Variants in SYNE1 observed in about 807,000 individuals in gnomAD.
The protein encoded by SYNE1 is spectrin repeat containing nuclear envelope protein 1, also known as nesprin-1.
In SYNE1, 616 loss-of-function variants were observed where a neutral mutation model predicts 1,111.0. The ratio of observed to expected loss-of-function variants is 0.55; its 90% CI spans 0.52 to 0.59. The LOEUF (loss-of-function observed/expected upper bound fraction) is 0.59, where lower values mean the gene tolerates loss of function less well. SYNE1 is among the 20% of genes least tolerant of loss of function. The pLI is 0.00. For missense variants in SYNE1, 10,006 were observed against 10,417.0 expected, an observed-to-expected ratio of 0.96 and a Z score of 1.72; for synonymous variants, 3,855 against 3,825.8, an observed-to-expected ratio of 1.01 and a Z score of -0.28.
rs777931582 is a variant in SYNE1, at chr6:152,390,320, C to T, written c.8137G>A (p.Val2713Met). 9 of 1,614,022 alleles carry T rather than the reference C, an allele frequency of 5.6e-6. No individual in the cohort carries two copies. The highest frequency in any genetic ancestry group is 6.8e-6 in the Non-Finnish European group (8 of 1,180,016). The change falls in exon 53 of 146, where the codon GTG (valine) becomes ATG (methionine). Residue 2713 changes from valine to methionine, a missense_variant. This residue lies in a region of SYNE1 where 4,955 missense variants were observed against 5,017.2 expected (regional missense o/e 0.99). Transcript: ENST00000367255. ...IQTQLETLKE[V>M]WADIMSSSVH... is the part of the protein sequence containing the mutation. ...GAGGAGCTCATGATGTCAGCCCACA[C>T]TTCTTTAAGGGTCTCTAACTGAGTC...
At chr6:152,462,637 C>T (rs912551444) in intron 20 of SYNE1, 101 bp downstream of exon 20, 3 of 1,413,030 alleles carry the variant, frequency 2.1e-6, no homozygotes, top group Non-Finnish European at 3.0e-6. Context: ...AAATGATGCC[C>T]AGGAGACACA....
intron 56 of SYNE1, among the ~76,000 whole-genome samples, chr6:152,377,608 TAAAAAAAAAAAA>T (rs869031827): frequency 2.2e-4 from 7 of 31,364 alleles, no homozygotes; most frequent in African/African-American, 4.9e-4. Context: ...AACTCCGTCT[TAAAAAAAAAAAA>T]AAAAAAAAAA....
At chr6:152,436,230 T>C (rs994172179) in intron 32 of SYNE1, 129 bp from the exon 33 acceptor site, 5 of 932,466 alleles carry the variant, frequency 5.4e-6, no homozygotes, top group Non-Finnish European at 6.3e-6. Flanking sequence ...GTATGGATCT[T>C]ACATTGTTCT....
chr6:152,167,891 C>A, intron 130 of SYNE1: 1 of 742,124 alleles, frequency 1.3e-6, no homozygotes, highest in Non-Finnish European at 2.5e-6. Context: ...TAATAAAGTC[C>A]ATTAACCTTT....
chr6:152,569,493 T>C (rs146167680), intron 3 of SYNE1, among the ~76,000 whole-genome samples: 1 of 152,198 alleles, frequency 6.6e-6, no homozygotes, highest in Non-Finnish European at 1.5e-5. Flanking sequence ...TAGATTTTTT[T>C]AAGTAAGTTT....
intron 3 of SYNE1, among the ~76,000 whole-genome samples, chr6:152,623,948 G>T (rs2099680923): frequency 6.6e-6 from 1 of 151,874 alleles, no homozygotes; most frequent in African/African-American, 2.4e-5. Flanking sequence ...TTTCTTTTGT[G>T]TAATGAACTT....
chr6:152,508,219 T>C (rs1267734266), intron 8 of SYNE1, among the ~76,000 whole-genome samples: 1 of 152,230 alleles, frequency 6.6e-6, no homozygotes. Flanking sequence ...ATGTGTTCAT[T>C]ACAGAATTTT....
rs182082959 is a variant in SYNE1 at position 152,205,014 on chromosome 6, T to C, written c.23019+1154A>G. ...TATTACATTACTGATGAAACTGTGC[T>C]GTGTGCAAATAATAGTTTTTTATAG... is the stretch of plus-strand genomic sequence containing the variant. On this transcript the variant is annotated intron_variant, in intron 126 of 145. Transcript: ENST00000367255. Among the ~76,000 whole-genome samples, 624 of 152,310 alleles carry C rather than the reference T, an allele frequency of 4.1e-3. 4 individuals carry two copies. Among genetic ancestry groups the C allele is most frequent in the African/African-American group, 0.015 (604 of 41,572 alleles).
intron 3 of SYNE1, among the ~76,000 whole-genome samples, chr6:152,621,132 A>G (rs2099674429): frequency 6.6e-6 from 1 of 152,172 alleles, no homozygotes; most frequent in Non-Finnish European, 1.5e-5. Context: ...CCAGAAGGAG[A>G]TGAAAGAGTC....
Position 152,211,548 on chromosome 6 carries a change from T to C in SYNE1, c.22535A>G (p.His7512Arg), listed in dbSNP as rs770938753. 4.3e-6 allele frequency: 7 copies of C among 1,613,986 alleles called. 1 individual carries two copies. In the South Asian group the frequency reaches 7.7e-5, roughly 18 times the overall value. Residue 7512 changes from histidine (H) to arginine (R), a missense_variant, in exon 124 of 146, where the codon CAC becomes CGC. This residue lies in a region of SYNE1 where 2,182 missense variants were observed against 2,287.8 expected (regional missense o/e 0.95). Transcript: ENST00000367255. ...AEMFSRQQIL[H>R]SIIIDGQRLL... ...ACGTTGCCCATCAATAATGATTGAGTGCAAAATCTGCTGACGACTGAACAT... is the reference window on the plus strand; with the variant it reads ...ACGTTGCCCATCAATAATGATTGAGCGCAAAATCTGCTGACGACTGAACAT...
intron 3 of SYNE1, among the ~76,000 whole-genome samples, chr6:152,615,570 G>A (rs2099643706): frequency 6.6e-6 from 1 of 151,992 alleles, no homozygotes; most frequent in Non-Finnish European, 1.5e-5. Flanking sequence ...ACACAGTTGA[G>A]ACATATTTCA....
chr6:152,435,221 T>C (rs1473539215), intron 33 of SYNE1: 1 of 152,180 alleles, frequency 6.6e-6, no homozygotes, highest in Non-Finnish European at 1.5e-5. Context: ...AATAATAATA[T>C]GCTATTATGT....
chr6:152,551,890 C>T (rs960257418), intron 3 of SYNE1, among the ~76,000 whole-genome samples: 1 of 152,210 alleles, frequency 6.6e-6, no homozygotes, highest in African/African-American at 2.4e-5. Flanking sequence ...GACAAACTTG[C>T]CACATGTAGC....
intron 10 of SYNE1, among the ~76,000 whole-genome samples, chr6:152,499,076 T>G (rs1025504092): frequency 3.9e-5 from 6 of 152,106 alleles, no homozygotes; most frequent in Non-Finnish European, 1.5e-5. Context: ...ATTAAATATT[T>G]TAGAAGGTAA....
chr6:152,512,386 AT>A (rs1170058286), intron 6 of SYNE1, among the ~76,000 whole-genome samples: 1 of 152,144 alleles, frequency 6.6e-6, no homozygotes, highest in East Asian at 1.9e-4. Flanking sequence ...AAGAACATCA[AT>A]TTTTTTAACT....
intron 132 of SYNE1, 74 bp downstream of exon 132, chr6:152,155,836 G>C: frequency 6.4e-7 from 1 of 1,565,594 alleles, no homozygotes; most frequent in Non-Finnish European, 8.8e-7. Flanking sequence ...AGAGTGAACA[G>C]TGGATACTCT....
rs769074635 is a variant in SYNE1, at chr6:152,398,748, T to A, written c.7238-17A>T. The A allele has an allele frequency of 1.7e-5, 27 of 1,585,862 alleles. No homozygotes were observed. The highest frequency in any genetic ancestry group is 2.3e-5 in the Non-Finnish European group (27 of 1,159,096). On this transcript the variant is annotated splice_polypyrimidine_tract_variant and intron_variant, in intron 48 of 145. Transcript: ENST00000367255. Reference sequence around the variant, plus strand: ...GCATAGACTCTTTTGAAAGAAAAAATAAATAAATAAAAATAAAAAATCAGA... The same window carrying A: ...GCATAGACTCTTTTGAAAGAAAAAAAAAATAAATAAAAATAAAAAATCAGA...
In SYNE1 at chr6:152,132,141, G is replaced by T. The variant is rs1380516025; in HGVS notation, c.26075C>A (p.Thr8692Asn). The T allele has an allele frequency of 6.2e-7, 1 of 1,614,008 alleles. No homozygotes were observed. Among genetic ancestry groups the T allele is most frequent in the Non-Finnish European group, 8.5e-7 (1 of 1,180,002 alleles). The change falls in exon 144 of 146, where the codon ACC becomes AAC. Residue 8692 changes from threonine (T) to asparagine (N), a missense_variant. By Grantham distance (65) the Thr-to-Asn change is moderately conservative. Transcript: ENST00000367255. ...GSVSPTSGRS[T>N]PNRQKTPRGK... ...AGTTACCGTTTTCTGTCTGTTTGGG[G>T]TGCTCCTTCCTGATGTGGGACTCAC... is the stretch of plus-strand genomic sequence containing the variant.
At position 152,395,644 on chromosome 6, in the gene SYNE1, G is replaced by A; in HGVS notation, c.7584C>T (p.Asn2528=). The part of the protein sequence containing the change: ...GSFEDQHRKL[N]LWIHEMEERF... ...TTTCTTCCATTTCATGGATCCATAAGTTCAGTTTTCTGTGCTGATCTTCAA... is the reference window on the plus strand; with the variant it reads ...TTTCTTCCATTTCATGGATCCATAAATTCAGTTTTCTGTGCTGATCTTCAA... The change falls in exon 51 of 146, where the codon AAC becomes AAT. Residue 2528 remains asparagine (N), a synonymous_variant. Transcript: ENST00000367255. 1 of 1,614,112 alleles carries A rather than the reference G, an allele frequency of 6.2e-7. No homozygotes were observed. The highest frequency in any genetic ancestry group is 8.5e-7 in the Non-Finnish European group (1 of 1,180,006).
Sources: allele counts gnomAD v4.1 joint callset (sites outside exome capture counted in the v4.1 genomes callset), GRCh38; gene constraint gnomAD v4.1.1; regional missense constraint gnomAD v4.1.1; transcripts MANE v1.5; gene names NCBI Gene and HGNC (gene_info 2026-07-23, HGNC 2026-07-21).